The following EPX variants were observed in gnomAD, a reference collection of about 807,000 sequenced individuals.
The protein encoded by EPX is eosinophil peroxidase.
In EPX, 60 loss-of-function variants were observed where a neutral mutation model predicts 73.0. The observed-to-expected ratio is 0.82, with a 90% CI of 0.67 to 1.02. EPX has a LOEUF of 1.02. Ranked by LOEUF, EPX falls within the 50% of genes least tolerant of loss-of-function variation. The pLI is 0.00. For synonymous variants in EPX, 347 were observed against 389.2 expected, an observed-to-expected ratio of 0.89 and a Z score of 1.28; for missense variants, 950 against 973.9, an observed-to-expected ratio of 0.98 and a Z score of 0.33.
In EPX at chr17:58,195,040, T is replaced by G; in HGVS notation, c.671T>G (p.Phe224Cys). The change falls in exon 6 of 13, where the codon TTC (phenylalanine) becomes TGC (cysteine). Residue 224 changes from phenylalanine to cysteine, a missense_variant. By Grantham distance (205) the Phe-to-Cys change is radical (BLOSUM62 -2). Coordinates refer to ENST00000225371, the MANE Select transcript of EPX (RefSeq NM_000502.6). Reference protein sequence around the residue: ...LTSDRGRALMFMQWGQFIDHD... With the variant: ...LTSDRGRALMCMQWGQFIDHD... ...TCCGACCGTGGCCGAGCCCTCATGT[T>G]CATGCAGTGGGGCCAGTTCATTGAC... is the stretch of plus-strand genomic sequence containing the variant. The G allele has an allele frequency of 6.2e-7, 1 of 1,614,050 alleles. No homozygotes were observed. The highest frequency in any genetic ancestry group is 8.5e-7 in the Non-Finnish European group (1 of 1,179,874).
In EPX at chr17:58,193,696, C is replaced by G; in HGVS notation, c.347-18C>G. ...ACAGAGCAGGCCAGCTCAGGTCTGC[C>G]CATTTGCCTTCCCACAGATGTGCTA... On this transcript the variant is annotated intron_variant, in intron 3 of 12. Coordinates refer to ENST00000225371, the MANE Select transcript of EPX (RefSeq NM_000502.6). The G allele has an allele frequency of 1.3e-6, 2 of 1,587,842 alleles. No homozygotes were observed. Among genetic ancestry groups the G allele is most frequent in the Admixed American group, 3.3e-5 (2 of 59,974 alleles).
chr17:58,200,301 T>G lies in EPX; in HGVS notation c.1614T>G (p.Asp538Glu), dbSNP rs912930993. ...KLNRQDAMLV[D>E]ELRDRLFRQV... is the part of the protein sequence containing the mutation. ...ACCGTCAGGATGCCATGTTAGTGGA[T>G]GAGCTCCGGGACCGGCTGTTTCGGC... The change falls in exon 10 of 13, where the codon GAT (aspartate) becomes GAG (glutamate). Residue 538 changes from aspartate (D) to glutamate (E), a missense_variant. Transcript: ENST00000225371. 6 of 1,614,128 alleles carry G rather than the reference T, an allele frequency of 3.7e-6. No homozygotes were observed. The highest frequency in any genetic ancestry group is 5.1e-6 in the Non-Finnish European group (6 of 1,179,930).
rs1329481711 is a variant in EPX at position 58,197,056 on chromosome 17, T to C, written c.919T>C (p.Ser307Pro). Reference sequence around the variant, plus strand: ...CCGCAACCAGATCAACGCGCTCACCTCCTTTGTGGACGCCAGCATGGTGTA... The same window carrying C: ...CCGCAACCAGATCAACGCGCTCACCCCCTTTGTGGACGCCAGCATGGTGTA... ...RVRNQINALT[S>P]FVDASMVYGS... Residue 307 changes from serine (S) to proline (P), a missense_variant, in exon 7 of 13, where the codon TCC (serine) becomes CCC (proline). Transcript: ENST00000225371. The C allele has an allele frequency of 2.5e-6, 4 of 1,614,086 alleles. No individual in the cohort carries two copies. The highest frequency in any genetic ancestry group is 2.2e-5 in the East Asian group (1 of 44,884).
At chr17:58,203,477 C>G (rs529207529) in intron 11 of EPX, among the ~76,000 whole-genome samples, 159 bp downstream of exon 11, 1 of 152,208 alleles carries the variant, frequency 6.6e-6, no homozygotes, top group East Asian at 1.9e-4. Context: ...AAAGCTGGGT[C>G]AAAGGAAGAG....
At chr17:58,199,828 AG>A in intron 9 of EPX, 34 bp downstream of exon 9, 1 of 1,525,666 alleles carries the variant, frequency 6.6e-7, no homozygotes. Context: ...AATGGGGGTG[AG>A]GGTGGGGAGC....
intron 6 of EPX, 26 bp downstream of exon 6, chr17:58,195,196 T>A: frequency 6.3e-7 from 1 of 1,578,324 alleles, no homozygotes; most frequent in Non-Finnish European, 8.7e-7. Context: ...CAATCTCCCA[T>A]GCCCTTGTGT....
At chr17:58,198,920 C>A in intron 7 of EPX, 120 bp from the exon 8 acceptor site, 2 of 990,128 alleles carry the variant, frequency 2.0e-6, no homozygotes, top group South Asian at 2.6e-5. Flanking sequence ...AGATGGAGGT[C>A]CAGTGAGGGC....
intron 12 of EPX, 119 bp from the exon 13 acceptor site, chr17:58,204,617 C>G (rs1037404052): frequency 1.7e-6 from 1 of 596,742 alleles, no homozygotes; most frequent in Non-Finnish European, 3.0e-6. Context: ...GGCCCTAGGA[C>G]TTTGGGGGGA....
intron 10 of EPX, among the ~76,000 whole-genome samples, chr17:58,202,196 C>T (rs1361189827): frequency 3.3e-5 from 5 of 152,140 alleles, no homozygotes; most frequent in Admixed American, 2.0e-4. Flanking sequence ...TCATGGGTTC[C>T]GCTGGGGGAT....
chr17:58,202,103 TA>T (rs1337276364), intron 10 of EPX, among the ~76,000 whole-genome samples: 7 of 152,216 alleles, frequency 4.6e-5, no homozygotes, highest in African/African-American at 1.7e-4. Context: ...TAGCATGCCA[TA>T]AAAGCACCTC....
chr17:58,201,465 C>T (rs1001680235), intron 10 of EPX, among the ~76,000 whole-genome samples: 1 of 152,168 alleles, frequency 6.6e-6, no homozygotes, highest in African/African-American at 2.4e-5. Context: ...GTATTTATTT[C>T]CAGCATAAAA....
chr17:58,197,804 A>T (rs2143711508), intron 7 of EPX, among the ~76,000 whole-genome samples: 1 of 152,162 alleles, frequency 6.6e-6, no homozygotes, highest in East Asian at 1.9e-4. Context: ...TACAATAATA[A>T]TGGTAGTCAT....
intron 10 of EPX, among the ~76,000 whole-genome samples, chr17:58,200,727 C>T (rs1197749892): frequency 6.6e-6 from 1 of 152,174 alleles, no homozygotes; most frequent in Non-Finnish European, 1.5e-5. Context: ...GCTCCATTCC[C>T]AACACGCTGG....
At chr17:58,199,837 A>G in intron 9 of EPX, 43 bp downstream of exon 9, 1 of 1,600,308 alleles carries the variant, frequency 6.2e-7, no homozygotes, top group Non-Finnish European at 8.5e-7. Context: ...GAGGGTGGGG[A>G]GCATGCCCTC....
Position 58,192,810 on chromosome 17 carries a change from T to C in EPX, c.-37T>C, listed in dbSNP as rs1190775825. On this transcript the variant is annotated 5_prime_UTR_variant, in exon 1 of 13. Transcript: ENST00000225371. ...GATCCTCCCGTGCAGGCTGTGGATG[T>C]CACTCACTTCCCAGCTGGTGAAGCC... is the stretch of plus-strand genomic sequence containing the variant. 7 of 1,585,456 alleles carry C rather than the reference T, an allele frequency of 4.4e-6. No individual in the cohort carries two copies. The South Asian group carries it at 6.7e-5, about 15-fold the overall frequency.
chr17:58,193,834 G>T lies in EPX; in HGVS notation c.464+3G>T, dbSNP rs1468753989. The T allele has an allele frequency of 6.2e-7, 1 of 1,608,978 alleles. No individual in the cohort carries two copies. The highest frequency in any genetic ancestry group is 1.1e-5 in the South Asian group (1 of 90,980). On this transcript the variant is annotated splice_donor_region_variant and intron_variant, in intron 4 of 12. Coordinates refer to ENST00000225371, the MANE Select transcript of EPX (RefSeq NM_000502.6). Reference sequence around the variant, plus strand: ...ATCACTGGACGGTGCAACAACAAGTGCGTGCGGGGCGGCAGGAGGGGCTGC... The same window carrying T: ...ATCACTGGACGGTGCAACAACAAGTTCGTGCGGGGCGGCAGGAGGGGCTGC...
chr17:58,201,329 G>T (rs1050390547), intron 10 of EPX, among the ~76,000 whole-genome samples: 1 of 152,212 alleles, frequency 6.6e-6, no homozygotes, highest in Admixed American at 6.5e-5. Context: ...GGCAGCTAAG[G>T]AGCTGTGGGC....
chr17:58,195,548 A>G (rs1254296536), intron 6 of EPX, among the ~76,000 whole-genome samples: 1 of 152,092 alleles, frequency 6.6e-6, no homozygotes, highest in African/African-American at 2.4e-5. Flanking sequence ...GGCTCTTGCC[A>G]GCTTCTTGGG....
chr17:58,193,501 G>A lies in EPX; in HGVS notation c.301G>A (p.Glu101Lys), dbSNP rs1968206963. 6 of 1,614,200 alleles carry A rather than the reference G, an allele frequency of 3.7e-6. No homozygotes were observed. Among genetic ancestry groups the A allele is most frequent in the Non-Finnish European group, 5.1e-6 (6 of 1,180,028 alleles). ...DYMHVALGLLEEKLQPQRSGP... is the reference protein window; with the variant it reads ...DYMHVALGLLKEKLQPQRSGP... Reference sequence around the variant, plus strand: ...TATGCATGTGGCTTTGGGGCTGCTTGAAGAGAAGTTACAACCCCAGCGGTC... The same window carrying A: ...TATGCATGTGGCTTTGGGGCTGCTTAAAGAGAAGTTACAACCCCAGCGGTC... Residue 101 changes from glutamate (E) to lysine (K), a missense_variant, in exon 3 of 13, where the codon GAA (glutamate) becomes AAA (lysine). Glu to Lys is a moderately conservative substitution (Grantham distance 56). Transcript: ENST00000225371.
Sources: allele counts gnomAD v4.1 joint callset (sites outside exome capture counted in the v4.1 genomes callset), GRCh38; gene constraint gnomAD v4.1.1; transcripts MANE v1.5; gene names NCBI Gene and HGNC (gene_info 2026-07-23, HGNC 2026-07-21).